Variants in PPM1B observed in about 807,000 individuals in gnomAD.
PPM1B encodes protein phosphatase 1B.
A neutral mutation model predicts 43.0 loss-of-function variants in PPM1B; 22 were observed. The observed-to-expected ratio is 0.51, with a 90% CI of 0.37 to 0.73. The LOEUF is 0.73. Ranked by LOEUF, PPM1B falls within the 30% of genes least tolerant of loss-of-function variation. The pLI is 0.00. For missense variants in PPM1B, 632 were observed against 584.2 expected (o/e 1.08, Z -0.84); for synonymous variants, 217 against 197.9 (o/e 1.10, Z -0.81).
At chr2:44,177,616 C>T (rs2104005453) in intron 1 of PPM1B, among the ~76,000 whole-genome samples, 1 of 151,914 alleles carries the variant, frequency 6.6e-6, no homozygotes, top group East Asian at 1.9e-4. Flanking sequence ...ACAGGGGTCT[C>T]ACCATGTTGG....
At chr2:44,222,413 A>G (rs1670016247) in intron 5 of PPM1B, among the ~76,000 whole-genome samples, 1 of 152,226 alleles carries the variant, frequency 6.6e-6, no homozygotes, top group African/African-American at 2.4e-5. Flanking sequence ...CTTTCATGCA[A>G]AAAGTTCTTC....
intron 1 of PPM1B, among the ~76,000 whole-genome samples, chr2:44,171,610 A>G (rs537612611): frequency 1.1e-3 from 160 of 151,932 alleles, no homozygotes; most frequent in African/African-American, 3.7e-3. Context: ...CGTGTGGATC[A>G]CTTGAGGTTA....
chr2:44,243,063 C>T (rs558615045), intron 5 of PPM1B, among the ~76,000 whole-genome samples: 1 of 152,066 alleles, frequency 6.6e-6, no homozygotes, highest in South Asian at 2.1e-4. Flanking sequence ...ATTTCCCCCC[C>T]AAAAAAATCA....
At chr2:44,189,680 G>T (rs1345767308) in intron 1 of PPM1B, among the ~76,000 whole-genome samples, 1 of 152,110 alleles carries the variant, frequency 6.6e-6, no homozygotes, top group East Asian at 1.9e-4. Flanking sequence ...GGCCAGGCTG[G>T]TCTCGAACTC....
intron 1 of PPM1B, among the ~76,000 whole-genome samples, chr2:44,169,919 C>A (rs1231291236): frequency 6.6e-6 from 1 of 151,690 alleles, no homozygotes; most frequent in Non-Finnish European, 1.5e-5. Context: ...ATTGTCAGTA[C>A]CCCAAATCTA....
chr2:44,236,095 G>T (rs995285101), downstream of PPM1B, among the ~76,000 whole-genome samples: 8 of 151,202 alleles, frequency 5.3e-5, no homozygotes, highest in African/African-American at 1.7e-4. Flanking sequence ...CATTGTCATT[G>T]AAAAAAAATT....
downstream of PPM1B, chr2:44,234,431 A>G: frequency 1.7e-6 from 1 of 594,452 alleles, no homozygotes; most frequent in Non-Finnish European, 2.1e-6. Flanking sequence ...AGGCAGAAGA[A>G]TTGCTTGAAC....
At position 44,189,825 on chromosome 2, in the gene PPM1B, C is replaced by A. The variant is rs1392556856; in HGVS notation, c.-14-11361C>A. 3.3e-5 allele frequency among the ~76,000 whole-genome samples: 5 copies of A among 152,300 alleles called. No homozygotes were observed. In the East Asian group the frequency reaches 5.8e-4, roughly 18 times the overall value. ...TATGGCTTCCAAAGGCTTTTGATAT[C>A]TCTACCCATTGATGGCATACCTCTT... On this transcript the variant is annotated intron_variant, in intron 1 of 5. Transcript: ENST00000282412.
At position 44,202,092 on chromosome 2, in the gene PPM1B, G is replaced by T. The variant is rs771671960; in HGVS notation, c.846+47G>T. ...TAAAATAACATGTTAATTTTGAAAA[G>T]TTACGGTAGGTAAAGTTAAGCTAAC... On this transcript the variant is annotated intron_variant, in intron 2 of 5. Transcript: ENST00000282412. 1.2e-5 allele frequency: 17 copies of T among 1,449,382 alleles called. No individual in the cohort carries two copies. In the South Asian group the frequency reaches 2.3e-4, roughly 20 times the overall value. The allele number at this position is 1,449,382 out of a possible 1,614,324, so 89.8% of individuals were successfully genotyped here.
At chr2:44,172,401 T>C (rs1336342541) in intron 1 of PPM1B, among the ~76,000 whole-genome samples, 1 of 152,214 alleles carries the variant, frequency 6.6e-6, no homozygotes, top group Non-Finnish European at 1.5e-5. Flanking sequence ...TTAATTTTTG[T>C]AGTTTGTAGT....
At chr2:44,228,207 T>TA (rs36114406) in intron 5 of PPM1B, among the ~76,000 whole-genome samples, 8 of 148,126 alleles carry the variant, frequency 5.4e-5, no homozygotes, top group Non-Finnish European at 1.2e-4. Context: ...TTTTTTTTTT[T>TA]AAGAGGGTCT....
intron 3 of PPM1B, among the ~76,000 whole-genome samples, chr2:44,217,017 C>A (rs1411114764): frequency 6.6e-6 from 1 of 151,816 alleles, no homozygotes; most frequent in African/African-American, 2.4e-5. Flanking sequence ...TTGAATGGAT[C>A]CTTTGGAGAT....
At chr2:44,184,754 C>G (rs942219468) in intron 1 of PPM1B, among the ~76,000 whole-genome samples, 2 of 151,998 alleles carry the variant, frequency 1.3e-5, no homozygotes, top group African/African-American at 4.8e-5. Context: ...ACATAGGGAT[C>G]TATCAGTAAA....
chr2:44,211,762 T>G (rs1422528898), intron 3 of PPM1B, among the ~76,000 whole-genome samples: 1 of 148,688 alleles, frequency 6.7e-6, no homozygotes, highest in African/African-American at 2.5e-5. Context: ...TTTTTTTTTT[T>G]TTTTATGATG....
At chr2:44,212,498 T>C (rs1669517878) in intron 3 of PPM1B, among the ~76,000 whole-genome samples, 1 of 152,198 alleles carries the variant, frequency 6.6e-6, no homozygotes, top group Non-Finnish European at 1.5e-5. Context: ...TTGTTTTGCT[T>C]AGCTAAGCAA....
At chr2:44,229,036 GC>G (rs1379108852) in intron 5 of PPM1B, among the ~76,000 whole-genome samples, 1 of 151,942 alleles carries the variant, frequency 6.6e-6, no homozygotes, top group Non-Finnish European at 1.5e-5. Flanking sequence ...TACAAAATTA[GC>G]CGGGCATGGT....
intron 3 of PPM1B, chr2:44,213,634 A>T (rs1411657078): frequency 1.3e-5 from 2 of 152,080 alleles, no homozygotes; most frequent in African/African-American, 2.4e-5. Context: ...ACCCTAAACA[A>T]TGTGCTTAAA....
At chr2:44,216,426 A>G (rs1669721709) in intron 3 of PPM1B, among the ~76,000 whole-genome samples, 1 of 152,198 alleles carries the variant, frequency 6.6e-6, no homozygotes, top group Non-Finnish European at 1.5e-5. Context: ...ACTATAAGAC[A>G]CAGATTTAAG....
intron 5 of PPM1B, chr2:44,218,879 C>G (rs374642609): frequency 1.3e-5 from 6 of 465,110 alleles, no homozygotes; most frequent in Non-Finnish European, 2.6e-5. Flanking sequence ...TCAATTTCTC[C>G]TCCAGCAGGC....
Sources: allele counts gnomAD v4.1 joint callset (sites outside exome capture counted in the v4.1 genomes callset), GRCh38; gene constraint gnomAD v4.1.1; transcripts MANE v1.5; gene names NCBI Gene and HGNC (gene_info 2026-07-23, HGNC 2026-07-21).